The following DYSF variants were observed in gnomAD, a reference collection of about 807,000 sequenced individuals.
The protein encoded by DYSF is dysferlin, also known as dystrophy-associated fer-1-like 1.
Under a neutral mutation model 274.9 loss-of-function variants are expected in DYSF, and 212 were observed. The ratio of observed to expected loss-of-function variants is 0.77; its 90% CI spans 0.69 to 0.86. The LOEUF is 0.86. Ranked by LOEUF, DYSF falls within the 40% of genes least tolerant of loss-of-function variation. The probability of loss-of-function intolerance (pLI) is 0.00; values close to 1 mark genes in which losing one functional copy is unlikely to be tolerated. For synonymous variants in DYSF, 1,091 were observed against 1,078.7 expected (o/e 1.01, Z -0.22); for missense variants, 2,666 against 2,783.2 (o/e 0.96, Z 0.95).
At position 71,574,335 on chromosome 2, in the gene DYSF, G is replaced by A. The variant is rs149986783; in HGVS notation, c.3366G>A (p.Thr1122=). 58 of 1,613,952 alleles carry A rather than the reference G, an allele frequency of 3.6e-5. No homozygotes were observed. Among genetic ancestry groups the A allele is most frequent in the African/African-American group, 6.7e-5 (5 of 74,936 alleles). ...GTCGCATGGAGCCACTGGAGAAGAC[G>A]GGGCCTGCAGCTGTGTTTGCCCTTG... ...WRRRMEPLEK[T]GPAAVFALEG... The change falls in exon 30 of 56, where the codon ACG becomes ACA. Residue 1122 remains threonine, a synonymous_variant. Transcript: ENST00000410020.
chr2:71,519,635 T>G (rs1440239743), intron 10 of DYSF, among the ~76,000 whole-genome samples: 1 of 152,030 alleles, frequency 6.6e-6, no homozygotes, highest in Non-Finnish European at 1.5e-5. Context: ...TCCTATTGTG[T>G]TGAATTTCCT....
chr2:71,512,394 T>A (rs1027775448), intron 5 of DYSF, among the ~76,000 whole-genome samples: 1 of 152,242 alleles, frequency 6.6e-6, no homozygotes, highest in Non-Finnish European at 1.5e-5. Flanking sequence ...TGAACTGAAC[T>A]TCAGGGTTCC....
intron 45 of DYSF, among the ~76,000 whole-genome samples, chr2:71,662,641 T>TTCTG (rs369893439): frequency 6.6e-6 from 1 of 150,936 alleles, no homozygotes; most frequent in Non-Finnish European, 1.5e-5. Flanking sequence ...TGTGTGTATT[T>TTCTG]TGTGTGTATG....
intron 17 of DYSF, chr2:71,549,494 TG>T: frequency 8.6e-7 from 1 of 1,166,262 alleles, no homozygotes; most frequent in Non-Finnish European, 1.3e-6. Flanking sequence ...TTGCCTGAGG[TG>T]GGATTGAGAT....
At chr2:71,578,974 T>G (rs1265018638) in intron 30 of DYSF, among the ~76,000 whole-genome samples, 2 of 152,204 alleles carry the variant, frequency 1.3e-5, no homozygotes, top group African/African-American at 4.8e-5. Context: ...TTTTTCCAGC[T>G]AATATCCTGG....
chr2:71,568,378 G>A (rs764363043), intron 26 of DYSF, 40 bp downstream of exon 26: 1 of 1,610,188 alleles, frequency 6.2e-7, no homozygotes, highest in South Asian at 1.1e-5. Context: ...AGCCAGGCCA[G>A]GCTGCCCACC....
intron 17 of DYSF, chr2:71,549,531 CT>C: frequency 1.3e-6 from 1 of 790,448 alleles, no homozygotes; most frequent in Non-Finnish European, 2.1e-6. Context: ...AGTCCCTGGA[CT>C]TACCTTTGCT....
intron 30 of DYSF, among the ~76,000 whole-genome samples, chr2:71,584,253 A>G (rs886666861): frequency 6.6e-6 from 1 of 152,068 alleles, no homozygotes; most frequent in African/African-American, 2.4e-5. Flanking sequence ...TTGGCTCTGC[A>G]CGGGGCTCAG....
rs772568748 is a variant in DYSF at position 71,574,200 on chromosome 2, C to T, written c.3231C>T (p.His1077=). The T allele has an allele frequency of 3.5e-5, 56 of 1,605,694 alleles. No homozygotes were observed. Among genetic ancestry groups the T allele is most frequent in the Non-Finnish European group, 4.7e-5 (55 of 1,173,758 alleles). The change falls in exon 30 of 56, where the codon CAC becomes CAT. Residue 1077 remains histidine (H), a splice_region_variant and synonymous_variant. Transcript: ENST00000410020. ...AGTCTGCCCCTTCTCTTGTGCAGCA[C>T]AGGCAGGCGGAGGCGGAGGGCGAGG... ...DLSQMEALKR[H]RQAEAEGEGW...
chr2:71,654,993 A>C (rs2152936164), intron 42 of DYSF, among the ~76,000 whole-genome samples: 1 of 152,238 alleles, frequency 6.6e-6, no homozygotes, highest in East Asian at 1.9e-4. Flanking sequence ...CAGGAGGCTA[A>C]GGTGGGGGGA....
chr2:71,646,352 A>C (rs1199724222), intron 42 of DYSF, among the ~76,000 whole-genome samples: 1 of 152,196 alleles, frequency 6.6e-6, no homozygotes, highest in African/African-American at 2.4e-5. Flanking sequence ...CGGATGCTGA[A>C]TTGGCACCCA....
chr2:71,482,121 T>C, intron 3 of DYSF, 151 bp downstream of exon 3: 2 of 664,208 alleles, frequency 3.0e-6, no homozygotes, highest in Non-Finnish European at 5.3e-6. Flanking sequence ...TGATAGATGT[T>C]GGGAGAATCT....
chr2:71,521,315 T>C (rs912464097), intron 12 of DYSF, among the ~76,000 whole-genome samples: 2 of 152,038 alleles, frequency 1.3e-5, no homozygotes, highest in Non-Finnish European at 2.9e-5. Context: ...ATGAGAAAAA[T>C]GTTGAGAGCA....
At position 71,665,177 on chromosome 2, in the gene DYSF, G is replaced by T; in HGVS notation, c.5190G>T (p.Gln1730His). ...TGCTCCTCAGCTCTGGACCGAACCA[G>T]TGGCGGGACCAGCTCCGCCCCTCCC... is the stretch of plus-strand genomic sequence containing the variant. ...PQTYCVSGPN[Q>H]WRDQLRPSQL... is the part of the protein sequence containing the mutation. Residue 1730 changes from glutamine to histidine, a missense_variant, in exon 47 of 56, where the codon CAG becomes CAT. Gln to His is a conservative substitution (Grantham distance 24, BLOSUM62 0). Transcript: ENST00000410020. 6.2e-7 allele frequency: 1 copy of T among 1,613,800 alleles called. No individual in the cohort carries two copies. Among genetic ancestry groups the T allele is most frequent in the Non-Finnish European group, 8.5e-7 (1 of 1,180,026 alleles).
intron 2 of DYSF, 27 bp downstream of exon 2, chr2:71,480,965 C>T: frequency 6.2e-7 from 1 of 1,608,806 alleles, no homozygotes; most frequent in Non-Finnish European, 8.5e-7. Flanking sequence ...CCTTCCTTTT[C>T]TCTCTGTCTG....
intron 40 of DYSF, among the ~76,000 whole-genome samples, chr2:71,618,699 G>T (rs1239984512): frequency 1.3e-5 from 2 of 150,262 alleles, no homozygotes; most frequent in African/African-American, 2.5e-5. Context: ...GTGTGTGCGT[G>T]GTAGAGATGG....
chr2:71,631,035 T>C (rs2094304852), intron 41 of DYSF, among the ~76,000 whole-genome samples: 4 of 152,248 alleles, frequency 2.6e-5, no homozygotes, highest in Admixed American at 2.6e-4. Flanking sequence ...GGCAGCCCTA[T>C]TTCCCTTAAT....
chr2:71,532,850 A>G (rs1191265883), intron 14 of DYSF, among the ~76,000 whole-genome samples: 1 of 143,404 alleles, frequency 7.0e-6, no homozygotes, highest in Non-Finnish European at 1.6e-5. Flanking sequence ...CTATCTATCT[A>G]TCTATCTATC....
intron 21 of DYSF, 29 bp downstream of exon 21, chr2:71,553,960 A>G (rs1028148649): frequency 6.2e-7 from 1 of 1,614,010 alleles, no homozygotes; most frequent in Non-Finnish European, 8.5e-7. Flanking sequence ...AAAGCTGCAC[A>G]TGCCTATGCA....
Sources: gnomAD v4.1 joint callset for allele counts (sites outside exome capture counted in the v4.1 genomes callset) on GRCh38, gnomAD v4.1.1 for gene constraint, MANE v1.5 for transcripts, NCBI Gene and HGNC (gene_info 2026-07-23, HGNC 2026-07-21) for gene names.